The following LCK variants were observed in gnomAD, a reference collection of about 807,000 sequenced individuals.
LCK encodes the protein tyrosine-protein kinase Lck.
Under a neutral mutation model 64.6 loss-of-function variants are expected in LCK, and 14 were observed. The ratio of observed to expected loss-of-function variants is 0.22; its 90% CI spans 0.14 to 0.34. The LOEUF (loss-of-function observed/expected upper bound fraction) is 0.34, where lower values mean the gene tolerates loss of function less well. Ranked by LOEUF, LCK falls within the 10% of genes least tolerant of loss-of-function variation. The pLI is 1.00. For missense variants in LCK, 434 were observed against 668.1 expected (o/e 0.65, Z 3.86); for synonymous variants, 277 against 263.6 (o/e 1.05, Z -0.49).
At chr1:32,252,816 GAGA>G (rs766314023) in intron 1 of LCK, among the ~76,000 whole-genome samples, 19 of 152,182 alleles carry the variant, frequency 1.2e-4, no homozygotes, top group South Asian at 2.1e-4. Flanking sequence ...AGACAGTTCT[GAGA>G]AGGAGAAAGA....
At chr1:32,268,069 C>T (rs1303697243) in intron 1 of LCK, among the ~76,000 whole-genome samples, 1 of 151,858 alleles carries the variant, frequency 6.6e-6, no homozygotes, top group Admixed American at 6.6e-5. Context: ...CGGCACGCGC[C>T]TGTAGTCCCA....
Position 32,280,068 on chromosome 1 carries a change from C to T in LCK, c.1196-11C>T, listed in dbSNP as rs1640405391. On this transcript the variant is annotated splice_polypyrimidine_tract_variant and intron_variant, in intron 11 of 12. Coordinates refer to ENST00000336890, the MANE Select transcript of LCK (RefSeq NM_005356.5). ...GCAGACCCAGGTGACCTCACTCTGCCTCCTCCTTAGGGGCCAAGTTTCCCA... is the reference window on the plus strand; with the variant it reads ...GCAGACCCAGGTGACCTCACTCTGCTTCCTCCTTAGGGGCCAAGTTTCCCA... The T allele has an allele frequency of 1.2e-6, 2 of 1,613,996 alleles. No individual in the cohort carries two copies. The highest frequency in any genetic ancestry group is 1.7e-6 in the Non-Finnish European group (2 of 1,180,038).
Position 32,275,586 on chromosome 1 carries a change from T to A in LCK, c.395T>A (p.Leu132Gln), listed in dbSNP as rs1368225574. 2 of 1,571,776 alleles carry A rather than the reference T, an allele frequency of 1.3e-6. No individual in the cohort carries two copies. Among genetic ancestry groups the A allele is most frequent in the Non-Finnish European group, 1.7e-6 (2 of 1,158,280 alleles). ...LEPEPWFFKN[L>Q]SRKDAERQLL... ...CTGCACAGCTGGTTCTTCAAGAACC[T>A]GAGCCGCAAGGACGCGGAGCGGCAG... The change falls in exon 6 of 13, where the codon CTG becomes CAG. Residue 132 changes from leucine to glutamine, a missense_variant. This residue lies in a region of LCK where 233 missense variants were observed against 291.2 expected (regional missense o/e 0.80). Coordinates refer to ENST00000336890, the MANE Select transcript of LCK (RefSeq NM_005356.5). This position sits in a 1 kb window ranked among gnomAD's most constrained non-coding sequence, Gnocchi z 6.9.
intron 1 of LCK, among the ~76,000 whole-genome samples, chr1:32,255,782 G>A (rs1557569117): frequency 1.3e-5 from 2 of 151,686 alleles, no homozygotes; most frequent in Middle Eastern, 3.4e-3. Flanking sequence ...TGGCACATAG[G>A]AGGTACCCAT....
intron 1 of LCK, among the ~76,000 whole-genome samples, chr1:32,267,722 C>T (rs1248743011): frequency 6.6e-6 from 1 of 151,718 alleles, no homozygotes; most frequent in Non-Finnish European, 1.5e-5. Context: ...ATGGAGAAAT[C>T]CAGTCTCTTA....
intron 1 of LCK, among the ~76,000 whole-genome samples, chr1:32,270,011 T>G (rs1640033357): frequency 6.6e-6 from 1 of 152,212 alleles, no homozygotes; most frequent in African/African-American, 2.4e-5. Flanking sequence ...TGAACTTAGG[T>G]CTCTAACTAT....
At chr1:32,257,759 CAGTA>C (rs1277209905) in intron 1 of LCK, among the ~76,000 whole-genome samples, 2 of 152,120 alleles carry the variant, frequency 1.3e-5, no homozygotes, top group Non-Finnish European at 2.9e-5. Flanking sequence ...GGAGCGGACT[CAGTA>C]AAAGGGATTA....
chr1:32,256,299 G>A (rs765687567), intron 1 of LCK, among the ~76,000 whole-genome samples: 2 of 151,348 alleles, frequency 1.3e-5, no homozygotes, highest in African/African-American at 4.9e-5. Flanking sequence ...CACCAAGCCC[G>A]GCTAACTTTT....
intron 1 of LCK, among the ~76,000 whole-genome samples, chr1:32,268,152 C>A (rs1176345012): frequency 6.6e-6 from 1 of 151,810 alleles, no homozygotes; most frequent in Non-Finnish European, 1.5e-5. Context: ...TGAGATCGCG[C>A]CACTGCACTC....
chr1:32,262,841 T>A (rs1468087841), intron 1 of LCK, among the ~76,000 whole-genome samples: 1 of 146,508 alleles, frequency 6.8e-6, no homozygotes, highest in Non-Finnish European at 1.5e-5. Flanking sequence ...TTTCTCATTG[T>A]CTGAAAGAAA....
intron 1 of LCK, among the ~76,000 whole-genome samples, chr1:32,272,611 G>GAGAGAGAGAGAA (rs1373757810): frequency 6.7e-6 from 1 of 148,490 alleles, no homozygotes; most frequent in Non-Finnish European, 1.5e-5. Flanking sequence ...GAGAAAGAGA[G>GAGAGAGAGAGAA]AGAGAGAGAG....
chr1:32,266,913 T>A (rs1639940938), intron 1 of LCK, among the ~76,000 whole-genome samples: 1 of 144,424 alleles, frequency 6.9e-6, no homozygotes. Context: ...ACTTCTACAA[T>A]CTTTCTCTTG....
intron 1 of LCK, among the ~76,000 whole-genome samples, chr1:32,266,724 C>T (rs181164079): frequency 9.6e-5 from 2 of 20,796 alleles, no homozygotes; most frequent in Admixed American, 4.4e-4. Context: ...CTCCCCCTCC[C>T]CTTCCCCCTC....
intron 1 of LCK, among the ~76,000 whole-genome samples, chr1:32,262,229 C>T (rs1166189810): frequency 2.1e-5 from 3 of 139,934 alleles, no homozygotes; most frequent in Non-Finnish European, 3.1e-5. Flanking sequence ...GGTCGGGTGC[C>T]GTGGCTCACA....
chr1:32,280,348 C>T (rs376993150), intron 12 of LCK, 138 bp downstream of exon 12: 80 of 1,067,512 alleles, frequency 7.5e-5, no homozygotes, highest in East Asian at 4.9e-4. Context: ...AGTCCAACGT[C>T]CCCAGGCAGA....
intron 1 of LCK, among the ~76,000 whole-genome samples, chr1:32,273,622 T>C (rs942466302): frequency 6.6e-6 from 1 of 152,062 alleles, no homozygotes; most frequent in Non-Finnish European, 1.5e-5. Flanking sequence ...GGCACACATT[T>C]ATCACTTTAT....
intron 9 of LCK, chr1:32,277,004 G>A (rs1196540362): frequency 7.6e-6 from 3 of 392,734 alleles, no homozygotes; most frequent in South Asian, 4.0e-5. Flanking sequence ...GAGGTCAGGA[G>A]TTCGAGACCA....
At chr1:32,252,122 T>G (rs1028075211) in intron 1 of LCK, among the ~76,000 whole-genome samples, 4 of 152,106 alleles carry the variant, frequency 2.6e-5, no homozygotes, top group African/African-American at 9.7e-5. Flanking sequence ...AAGAGAATGA[T>G]GGGAGAAAGG....
At chr1:32,267,637 T>C (rs1161513494) in intron 1 of LCK, among the ~76,000 whole-genome samples, 1 of 152,182 alleles carries the variant, frequency 6.6e-6, no homozygotes, top group Admixed American at 6.6e-5. Context: ...GGCTCATGCC[T>C]GTAATCCCAG....
Sources: allele counts gnomAD v4.1 joint callset (sites outside exome capture counted in the v4.1 genomes callset), GRCh38; gene constraint gnomAD v4.1.1; regional missense constraint gnomAD v4.1.1; non-coding constraint Gnocchi (gnomAD v3.1); transcripts MANE v1.5; gene names NCBI Gene and HGNC (gene_info 2026-07-23, HGNC 2026-07-21).